SV2C: variants seen among roughly 807,000 people sequenced by gnomAD.
The protein encoded by SV2C is solute carrier family 22 member B3.
A neutral mutation model predicts 79.7 loss-of-function variants in SV2C; 49 were observed. The ratio of observed to expected loss-of-function variants is 0.61; its 90% CI spans 0.49 to 0.78. SV2C has a LOEUF of 0.78. Among genes scored for constraint, SV2C ranks in the 30% least tolerant of loss-of-function variants. The pLI, the probability that SV2C is intolerant of heterozygous loss-of-function variation, is 0.00. For synonymous variants in SV2C, 334 were observed against 333.2 expected (o/e 1.00, Z -0.03); for missense variants, 833 against 912.9 (o/e 0.91, Z 1.13).
rs567247469 is a variant in SV2C, at chr5:76,236,113, C to T, written c.913+26226C>T. Among the ~76,000 whole-genome samples, 6 of 152,308 alleles carry T rather than the reference C, an allele frequency of 3.9e-5. No individual in the cohort carries two copies. In the East Asian group the frequency reaches 1.2e-3, roughly 29 times the overall value. On this transcript the variant is annotated intron_variant, in intron 4 of 12. Transcript: ENST00000502798. ...GCACATGCTCCACACACCATGTCAG[C>T]AGCATACCCAAAGACTTCTAAGACA...
intron 2 of SV2C, among the ~76,000 whole-genome samples, chr5:76,193,562 G>A (rs150095866): frequency 0.012 from 1,884 of 152,258 alleles, 27 homozygotes; most frequent in Non-Finnish European, 0.016. Context: ...TAATAACAAG[G>A]ATAGCCAGGG....
At chr5:75,958,964 TGTGA>T in the SV2C span, among the ~76,000 whole-genome samples, 1 of 151,968 alleles carries the variant, frequency 6.6e-6, no homozygotes, top group Non-Finnish European at 1.5e-5. Context: ...CTTCAGCAAA[TGTGA>T]GTGATTTATA....
At chr5:76,177,208 TA>T (rs60462306) in intron 2 of SV2C, among the ~76,000 whole-genome samples, 12 of 17,930 alleles carry the variant, frequency 6.7e-4, no homozygotes, top group South Asian at 3.4e-3. Flanking sequence ...TATATACAAA[TA>T]ATATATACAA....
intron 12 of SV2C, among the ~76,000 whole-genome samples, chr5:76,341,476 G>C (rs1175159405): frequency 3.9e-5 from 6 of 152,186 alleles, no homozygotes; most frequent in Non-Finnish European, 7.3e-5. Context: ...AGGTGCCGGG[G>C]CTTAAGTCTC....
At chr5:75,946,022 GA>G in the SV2C span, among the ~76,000 whole-genome samples, 50,025 of 151,788 alleles carry the variant, frequency 0.33, 11,425 homozygotes, top group African/African-American at 0.65. Flanking sequence ...ACATAAGTTA[GA>G]AAAAAATGAA....
chr5:76,263,254 C>G (rs1746540093), intron 4 of SV2C, among the ~76,000 whole-genome samples: 1 of 151,446 alleles, frequency 6.6e-6, no homozygotes, highest in African/African-American at 2.4e-5. Flanking sequence ...GAATTGCAAC[C>G]CCTGCTTTTT....
chr5:75,995,588 A>T, the SV2C span, among the ~76,000 whole-genome samples: 66 of 152,248 alleles, frequency 4.3e-4, no homozygotes, highest in Admixed American at 4.3e-3. Flanking sequence ...AACAAATAAG[A>T]TAACAACCAT....
At chr5:76,064,784 G>A in the SV2C span, among the ~76,000 whole-genome samples, 6 of 152,024 alleles carry the variant, frequency 3.9e-5, no homozygotes, top group Non-Finnish European at 7.4e-5. Context: ...TTCAAATATC[G>A]TGTTCTGAGA....
At chr5:76,112,723 A>G (rs776418327) in intron 1 of SV2C, among the ~76,000 whole-genome samples, 1 of 152,236 alleles carries the variant, frequency 6.6e-6, no homozygotes, top group Non-Finnish European at 1.5e-5. Flanking sequence ...TTTCCTCAAC[A>G]TATTTGGCCA....
intron 1 of SV2C, among the ~76,000 whole-genome samples, chr5:76,109,577 C>A (rs565349781): frequency 1.3e-5 from 2 of 152,254 alleles, no homozygotes; most frequent in South Asian, 4.2e-4. Flanking sequence ...AAGGTTTTTG[C>A]AGATGCAATC....
intron 12 of SV2C, among the ~76,000 whole-genome samples, chr5:76,339,713 C>CA (rs536302675): frequency 0.015 from 1,180 of 77,662 alleles, 15 homozygotes; most frequent in African/African-American, 0.037. Flanking sequence ...GACTCTGTCT[C>CA]AAAAAAAAAA....
At chr5:75,895,239 CA>C in the SV2C span, among the ~76,000 whole-genome samples, 1 of 151,974 alleles carries the variant, frequency 6.6e-6, no homozygotes, top group Non-Finnish European at 1.5e-5. Context: ...CAATTTCCAA[CA>C]AAAAATTATA....
intron 12 of SV2C, among the ~76,000 whole-genome samples, chr5:76,312,116 C>T (rs2112545332): frequency 6.6e-6 from 1 of 152,316 alleles, no homozygotes; most frequent in African/African-American, 2.4e-5. Flanking sequence ...CGGTGTAGGC[C>T]TGTTCCAGCT....
At chr5:76,199,339 C>G (rs1203637871) in intron 3 of SV2C, among the ~76,000 whole-genome samples, 2 of 152,140 alleles carry the variant, frequency 1.3e-5, no homozygotes, top group African/African-American at 2.4e-5. Context: ...TTGTGGGCCT[C>G]TGGTGCACAT....
the SV2C span, among the ~76,000 whole-genome samples, chr5:75,924,707 A>G: frequency 4.3e-4 from 65 of 152,264 alleles, no homozygotes; most frequent in East Asian, 8.7e-3. Flanking sequence ...TGCTACCCCA[A>G]TTGACTGTCT....
the SV2C span, among the ~76,000 whole-genome samples, chr5:76,038,126 A>T: frequency 1.3e-5 from 2 of 152,124 alleles, no homozygotes. Flanking sequence ...GCACCCACTG[A>T]CCTGCGCCCA....
the SV2C span, among the ~76,000 whole-genome samples, chr5:75,906,676 A>T: frequency 1.3e-5 from 2 of 152,002 alleles, no homozygotes; most frequent in Non-Finnish European, 2.9e-5. Flanking sequence ...TTTTCTGCTG[A>T]CTTCAACTTC....
chr5:76,196,044 G>T (rs764528463), intron 3 of SV2C, among the ~76,000 whole-genome samples: 2 of 152,126 alleles, frequency 1.3e-5, no homozygotes, highest in African/African-American at 2.4e-5. Flanking sequence ...GAAAATGAGG[G>T]AAACGGGGCT....
chr5:75,951,600 T>A, the SV2C span, among the ~76,000 whole-genome samples: 1 of 152,050 alleles, frequency 6.6e-6, no homozygotes, highest in Non-Finnish European at 1.5e-5. Flanking sequence ...GAGATTCCAA[T>A]TAAATGTAAC....
Sources: gnomAD v4.1 joint callset for allele counts (sites outside exome capture counted in the v4.1 genomes callset) on GRCh38, gnomAD v4.1.1 for gene constraint, MANE v1.5 for transcripts, NCBI Gene and HGNC (gene_info 2026-07-23, HGNC 2026-07-21) for gene names.